The following NAPA variants were observed in gnomAD, a reference collection of about 807,000 sequenced individuals.
NAPA encodes alpha-soluble NSF attachment protein.
A neutral mutation model predicts 48.0 loss-of-function variants in NAPA; 18 were observed. The observed-to-expected ratio is 0.38, with a 90% CI of 0.26 to 0.56. NAPA has a LOEUF of 0.56. Ranked by LOEUF, NAPA falls within the 20% of genes least tolerant of loss-of-function variation. NAPA has a pLI of 0.77. For synonymous variants in NAPA, 152 were observed against 149.9 expected, an observed-to-expected ratio of 1.01 and a Z score of -0.10; for missense variants, 315 against 385.0, an observed-to-expected ratio of 0.82 and a Z score of 1.52.
chr19:47,489,564 T>G, intron 10 of NAPA, 147 bp downstream of exon 10: 1 of 885,614 alleles, frequency 1.1e-6, no homozygotes, highest in Non-Finnish European at 1.8e-6. Context: ...CTTGTAAGGT[T>G]TCTGGGGTGA....
At chr19:47,486,180 C>T (rs563457644), downstream of NAPA, among the ~76,000 whole-genome samples, 8 of 152,204 alleles carry the variant, frequency 5.3e-5, no homozygotes, top group Admixed American at 3.3e-4. Flanking sequence ...CATGGTGAAA[C>T]GCTGTCTCTG....
chr19:47,514,064 G>C (rs1968858144), intron 1 of NAPA, among the ~76,000 whole-genome samples: 3 of 151,718 alleles, frequency 2.0e-5, no homozygotes. Flanking sequence ...GTCCAGGCTG[G>C]TCTCGAACTC....
chr19:47,499,769 A>G (rs1293162653), intron 3 of NAPA, among the ~76,000 whole-genome samples: 1 of 152,260 alleles, frequency 6.6e-6, no homozygotes, highest in African/African-American at 2.4e-5. Context: ...GTGCTCACTG[A>G]TCCATGGAGG....
intron 1 of NAPA, chr19:47,507,036 A>G (rs1968706281): frequency 6.6e-6 from 1 of 152,272 alleles, no homozygotes; most frequent in South Asian, 2.1e-4. Context: ...ACACGAAAGG[A>G]AAATCTAGCT....
intron 10 of NAPA, 98 bp from the exon 11 acceptor site, chr19:47,488,487 T>C: frequency 1.1e-6 from 1 of 887,560 alleles, no homozygotes; most frequent in Non-Finnish European, 1.8e-6. Context: ...TCTGTCTCTG[T>C]CACCCCTGGT....
chr19:47,484,706 ATTTTTT>A (rs35425298), downstream of NAPA, among the ~76,000 whole-genome samples: 3 of 129,144 alleles, frequency 2.3e-5, no homozygotes, highest in African/African-American at 8.9e-5. Context: ...ACAGTTCACT[ATTTTTT>A]TTTTTTTTTT....
rs1599909688 is a variant in NAPA, at chr19:47,501,505, G to A, written c.179-756C>T. On this transcript the variant is annotated intron_variant, in intron 2 of 10. Transcript: ENST00000263354. The stretch of plus-strand genomic sequence containing the variant: ...ATGAATTGTGAGGCTCATGGAGTTG[G>A]GGTCGGACAACACAGAGCCGGCTCC... The A allele has an allele frequency of 2.6e-5, 4 of 152,388 alleles. 1 individual carries two copies. The East Asian group carries it at 7.7e-4, about 29-fold the overall frequency. 9.4% of individuals were successfully genotyped at this position (152,388 alleles called of 1,614,324 possible).
chr19:47,504,885 C>T (rs1411256743), intron 1 of NAPA, among the ~76,000 whole-genome samples: 1 of 152,050 alleles, frequency 6.6e-6, no homozygotes, highest in South Asian at 2.1e-4. Context: ...AACAGCAAAA[C>T]CCCCCAAAAA....
chr19:47,492,089 G>C lies in NAPA; in HGVS notation c.592C>G (p.Leu198Val). The C allele has an allele frequency of 1.9e-6, 3 of 1,614,136 alleles. No homozygotes were observed. The highest frequency in any genetic ancestry group is 2.5e-6 in the Non-Finnish European group (3 of 1,179,998). ...VGTNAMDSPL[L>V]KYSAKDYFFK... ...AAGTAGTCTTTGGCGCTGTACTTGA[G>C]GAGGGGGCTGTCCATGGCATTGGTC... Residue 198 changes from leucine (L) to valine (V), a missense_variant, in exon 8 of 11, where the codon CTC becomes GTC. Transcript: ENST00000263354.
chr19:47,499,678 A>G (rs917378668), intron 3 of NAPA, among the ~76,000 whole-genome samples: 5 of 152,200 alleles, frequency 3.3e-5, no homozygotes, highest in African/African-American at 1.2e-4. Context: ...GTCAACACAA[A>G]TTCATCCTCA....
rs1420300855 is a variant in NAPA at position 47,515,060 on chromosome 19, G to A, written c.-120C>T. ...CCGGCTGCGTTGACGTCGCACCGGC[G>A]CGCGTCGCTTGCGGCCAGGAACCAC... On this transcript the variant is annotated 5_prime_UTR_variant, in exon 1 of 11. Transcript: ENST00000263354. 2 of 1,038,872 alleles carry A rather than the reference G, an allele frequency of 1.9e-6. No individual in the cohort carries two copies. Among genetic ancestry groups the A allele is most frequent in the South Asian group, 1.5e-5 (1 of 65,888 alleles). 64.4% of individuals were successfully genotyped at this position (1,038,872 alleles called of 1,614,324 possible).
chr19:47,500,900 C>G, intron 2 of NAPA, 151 bp from the exon 3 acceptor site: 2 of 548,948 alleles, frequency 3.6e-6, no homozygotes, highest in South Asian at 2.8e-5. Context: ...GAGCCCAGAC[C>G]GAGGCCTAGA....
chr19:47,486,716 G>A (rs1968087923), downstream of NAPA, among the ~76,000 whole-genome samples: 1 of 152,226 alleles, frequency 6.6e-6, no homozygotes, highest in Admixed American at 6.5e-5. Context: ...CACCCATGAT[G>A]GGGGCAGACA....
At position 47,507,015 on chromosome 19, in the gene NAPA, A is replaced by G. The variant is rs528868481; in HGVS notation, c.99-3513T>C. On this transcript the variant is annotated intron_variant, in intron 1 of 10. Transcript: ENST00000263354. ...CCGAGCATTTATTACGTGCCAGGAG[A>G]TAACAACAGTACACGAAAGGAAAAT... 4.6e-5 allele frequency: 7 copies of G among 152,364 alleles called. No homozygotes were observed. The South Asian group carries it at 1.4e-3, about 32-fold the overall frequency. The allele number at this position is 152,364 out of a possible 1,614,324, so 9.4% of individuals were successfully genotyped here. A position where few individuals can be genotyped will look rare whatever the true frequency, so the allele number is the denominator to read the frequency against.
At chr19:47,485,888 A>G (rs1335706981), downstream of NAPA, among the ~76,000 whole-genome samples, 1 of 152,196 alleles carries the variant, frequency 6.6e-6, no homozygotes, top group Non-Finnish European at 1.5e-5. Context: ...ACGTGGGTCT[A>G]GTGCCACTTC....
Position 47,506,964 on chromosome 19 carries a change from C to T in NAPA, c.99-3462G>A, listed in dbSNP as rs1968704686. The T allele has an allele frequency of 6.6e-6, 1 of 152,264 alleles. No homozygotes were observed. The highest frequency in any genetic ancestry group is 2.4e-5 in the African/African-American group (1 of 41,466). The allele number at this position is 152,264 out of a possible 1,614,324, so 9.4% of individuals were successfully genotyped here. Reference sequence around the variant, plus strand: ...ATCCTGAAGAAGCCATTCACATACACATTTATTCACCTGGGGAACAGGTAT... The same window carrying T: ...ATCCTGAAGAAGCCATTCACATACATATTTATTCACCTGGGGAACAGGTAT... On this transcript the variant is annotated intron_variant, in intron 1 of 10. Coordinates refer to ENST00000263354, the MANE Select transcript of NAPA (RefSeq NM_003827.4). The surrounding 1 kb of genome is among the most constrained non-coding windows in gnomAD (Gnocchi z 4.0).
intron 3 of NAPA, among the ~76,000 whole-genome samples, chr19:47,499,817 G>C (rs1201119235): frequency 2.6e-5 from 4 of 152,244 alleles, no homozygotes; most frequent in African/African-American, 9.6e-5. Flanking sequence ...CTTCTCTTGG[G>C]AAGGACAGGC....
intron 3 of NAPA, among the ~76,000 whole-genome samples, chr19:47,499,999 A>G (rs1968531130): frequency 6.6e-6 from 1 of 152,274 alleles, no homozygotes; most frequent in Non-Finnish European, 1.5e-5. Flanking sequence ...AATTCCCGCC[A>G]CATGCAAGCA....
chr19:47,491,122 C>T, intron 8 of NAPA: 1 of 405,782 alleles, frequency 2.5e-6, no homozygotes, highest in Non-Finnish European at 4.5e-6. Flanking sequence ...CCTCCTCCCA[C>T]CTGGCTCAGC....
Sources: allele counts gnomAD v4.1 joint callset (sites outside exome capture counted in the v4.1 genomes callset), GRCh38; gene constraint gnomAD v4.1.1; non-coding constraint Gnocchi (gnomAD v3.1); transcripts MANE v1.5; gene names NCBI Gene and HGNC (gene_info 2026-07-23, HGNC 2026-07-21).